The following SNPH variants were observed in gnomAD, a reference collection of about 807,000 sequenced individuals.
SNPH encodes the protein syntaphilin.
SNPH carries 10 observed loss-of-function variants against 36.8 expected under a neutral mutation model. The ratio of observed to expected loss-of-function variants is 0.27; its 90% CI spans 0.17 to 0.46. SNPH has a LOEUF of 0.46. Ranked by LOEUF, SNPH falls within the 20% of genes least tolerant of loss-of-function variation. The probability of loss-of-function intolerance (pLI) is 1.00; values close to 1 mark genes in which losing one functional copy is unlikely to be tolerated. For missense variants in SNPH, 622 were observed against 744.0 expected, an observed-to-expected ratio of 0.84 and a Z score of 1.91; for synonymous variants, 281 against 312.2, an observed-to-expected ratio of 0.90 and a Z score of 1.05.
intron 6 of SNPH, among the ~76,000 whole-genome samples, chr20:1,303,195 C>A (rs901540605): frequency 2.6e-5 from 4 of 152,262 alleles, no homozygotes; most frequent in African/African-American, 9.6e-5. Context: ...CTCAAAGACA[C>A]CATGGCTTTT....
chr20:1,274,498 A>G (rs2088108984), intron 2 of SNPH, among the ~76,000 whole-genome samples: 1 of 152,180 alleles, frequency 6.6e-6, no homozygotes, highest in Non-Finnish European at 1.5e-5. Flanking sequence ...GCTGTGCTTG[A>G]CAGCTGTAAC....
chr20:1,293,472 C>T lies in SNPH; in HGVS notation c.-492-1479C>T, dbSNP rs370414208. ...CTCTGGCCACCTGGGGAGAGGCCTGCGGGACTCCAGGCTAAGCAGGTGGCA... is the reference window on the plus strand; with the variant it reads ...CTCTGGCCACCTGGGGAGAGGCCTGTGGGACTCCAGGCTAAGCAGGTGGCA... On this transcript the variant is annotated intron_variant, in intron 2 of 6. Coordinates refer to ENST00000381867, the MANE Select transcript of SNPH (RefSeq NM_001318234.2). Among the ~76,000 whole-genome samples the T allele has an allele frequency of 1.6e-3, 237 of 152,248 alleles. 1 individual carries two copies. Among genetic ancestry groups the T allele is most frequent in the African/African-American group, 4.8e-3 (200 of 41,550 alleles).
chr20:1,269,449 G>A (rs1288290526), intron 2 of SNPH, among the ~76,000 whole-genome samples: 1 of 152,216 alleles, frequency 6.6e-6, no homozygotes, highest in Non-Finnish European at 1.5e-5. Context: ...GCTGAGGGTT[G>A]CGCGGCTAGA....
Position 1,305,339 on chromosome 20 carries a change from C to T in SNPH, c.902C>T (p.Ala301Val), listed in dbSNP as rs73579357. The change falls in exon 7 of 7, where the codon GCG (alanine) becomes GTG (valine). Residue 301 changes from alanine (A) to valine (V), a missense_variant. By Grantham distance (64) the Ala-to-Val change is moderately conservative. Around this residue, in one of 3 missense-constraint regions of SNPH, gnomAD observed 379 missense variants for 427.9 expected, o/e 0.89. Transcript: ENST00000381867. ...GATGACACACTGAGCCGGACGGACG[C>T]GCTGGAAGCCAGCAGCCTGCTGTCG... ...AADDTLSRTDALEASSLLSSG... is the reference protein window; with the variant it reads ...AADDTLSRTDVLEASSLLSSG... The T allele has an allele frequency of 1.9e-4, 312 of 1,611,248 alleles. 1 individual carries two copies. The African/African-American group carries it at 3.1e-3, about 16-fold the overall frequency.
In SNPH at chr20:1,308,257, GA is replaced by G. The variant is rs1156524868; in HGVS notation, c.*2204del. 6.5e-6 allele frequency: 1 copy of G among 153,332 alleles called. No individual in the cohort carries two copies. The highest frequency in any genetic ancestry group is 1.5e-5 in the Non-Finnish European group (1 of 68,950). The allele number at this position is 153,332 out of a possible 1,614,324, so 9.5% of individuals were successfully genotyped here. On this transcript the variant is annotated 3_prime_UTR_variant, in exon 7 of 7. Transcript: ENST00000381867. ...TGGGCCTGAGGCCTGTGGAGGAGGTGAGTGTAGCCAGCAGCGGCCGTCTACT... is the reference window on the plus strand; with the variant it reads ...TGGGCCTGAGGCCTGTGGAGGAGGTGGTGTAGCCAGCAGCGGCCGTCTACT...
At chr20:1,292,888 G>A (rs553302945) in intron 2 of SNPH, among the ~76,000 whole-genome samples, 7 of 152,280 alleles carry the variant, frequency 4.6e-5, no homozygotes, top group African/African-American at 1.2e-4. Context: ...GTAGAGAAGC[G>A]TTCCTGGATC....
intron 2 of SNPH, among the ~76,000 whole-genome samples, chr20:1,293,491 G>A (rs2088389466): frequency 6.6e-6 from 1 of 152,222 alleles, no homozygotes; most frequent in Non-Finnish European, 1.5e-5. Flanking sequence ...AGGCTAAGCA[G>A]GTGGCATGGT....
chr20:1,289,318 C>T (rs1165949007), intron 2 of SNPH, among the ~76,000 whole-genome samples: 2 of 152,038 alleles, frequency 1.3e-5, no homozygotes, highest in African/African-American at 4.8e-5. Context: ...TTAGGGGCAG[C>T]CTCAGCTACC....
intron 2 of SNPH, among the ~76,000 whole-genome samples, chr20:1,281,525 G>A (rs997681292): frequency 6.6e-6 from 1 of 152,180 alleles, no homozygotes; most frequent in Non-Finnish European, 1.5e-5. Flanking sequence ...CCTACACTGT[G>A]TGGTCTAGCA....
Position 1,296,298 on chromosome 20 carries a change from G to T in SNPH, c.59G>T (p.Gly20Val). Reference sequence around the variant, plus strand: ...TGGCCTGGCCCGGCCCTTTCTGCGGGCCCCCCAACCCGCCCTCTCTCCTCA... The same window carrying T: ...TGGCCTGGCCCGGCCCTTTCTGCGGTCCCCCCAACCCGCCCTCTCTCCTCA... ...MTWPGPALSA[G>V]PPTRPLSSAP... is the part of the protein sequence containing the mutation. Residue 20 changes from glycine (G) to valine (V), a missense_variant, in exon 4 of 7, where the codon GGC becomes GTC. Physicochemically the swap from Gly to Val is moderately radical, Grantham distance 109. Around this residue, in one of 3 missense-constraint regions of SNPH, gnomAD observed 187 missense variants for 209.4 expected, o/e 0.89. Transcript: ENST00000381867. 1 of 1,578,582 alleles carries T rather than the reference G, an allele frequency of 6.3e-7. No homozygotes were observed. The highest frequency in any genetic ancestry group is 8.6e-7 in the Non-Finnish European group (1 of 1,164,016).
intron 2 of SNPH, among the ~76,000 whole-genome samples, chr20:1,288,113 A>G (rs1329808854): frequency 6.6e-6 from 1 of 152,238 alleles, no homozygotes; most frequent in Non-Finnish European, 1.5e-5. Flanking sequence ...CACTTGGCCT[A>G]GCAGAGTTTG....
chr20:1,296,358 G>A lies in SNPH; in HGVS notation c.119G>A (p.Arg40Gln), dbSNP rs566005501. 1.1e-5 allele frequency: 17 copies of A among 1,596,862 alleles called. No individual in the cohort carries two copies. The African/African-American group carries it at 1.1e-4, about 10-fold the overall frequency. The change falls in exon 4 of 7, where the codon CGG becomes CAG. Residue 40 changes from arginine to glutamine, a missense_variant. By Grantham distance (43) the Arg-to-Gln change is conservative. This residue lies in a region of SNPH where 187 missense variants were observed against 209.4 expected (regional missense o/e 0.89). Coordinates refer to ENST00000381867, the MANE Select transcript of SNPH (RefSeq NM_001318234.2). ...PGIPPIPPLT[R>Q]THSLMAMSLP... ...ATACCGCCCATCCCACCCCTTACTC[G>A]GACCCACAGCCTCATGGCCATGTCC...
chr20:1,272,196 C>T (rs981354015), intron 2 of SNPH, among the ~76,000 whole-genome samples: 1 of 152,168 alleles, frequency 6.6e-6, no homozygotes, highest in African/African-American at 2.4e-5. Flanking sequence ...TCGTGTTTGG[C>T]TCTGCAATTG....
intron 6 of SNPH, among the ~76,000 whole-genome samples, chr20:1,303,487 C>T (rs1210853134): frequency 6.6e-6 from 1 of 152,154 alleles, no homozygotes; most frequent in African/African-American, 2.4e-5. Context: ...AAAGGGTTAC[C>T]TAGAGTGGGC....
At chr20:1,281,833 G>A (rs1259863345) in intron 2 of SNPH, among the ~76,000 whole-genome samples, 1 of 152,264 alleles carries the variant, frequency 6.6e-6, no homozygotes, top group Non-Finnish European at 1.5e-5. Context: ...CCATGCCAGA[G>A]CTGCCACACA....
chr20:1,305,534 A>T lies in SNPH; in HGVS notation c.1097A>T (p.Gln366Leu). 1 of 1,613,360 alleles carries T rather than the reference A, an allele frequency of 6.2e-7. No homozygotes were observed. The highest frequency in any genetic ancestry group is 1.1e-5 in the South Asian group (1 of 91,082). Residue 366 changes from glutamine (Q) to leucine (L), a missense_variant, in exon 7 of 7, where the codon CAG (glutamine) becomes CTG (leucine). Transcript: ENST00000381867. Reference sequence around the variant, plus strand: ...ATCCAGACAGACTTCGTGCAGTACCAGCCTGACCTTGACACCATCCTGGAG... The same window carrying T: ...ATCCAGACAGACTTCGTGCAGTACCTGCCTGACCTTGACACCATCCTGGAG... ...RAIQTDFVQY[Q>L]PDLDTILEKV...
intron 2 of SNPH, among the ~76,000 whole-genome samples, chr20:1,291,865 T>C (rs2122364991): frequency 6.6e-6 from 1 of 152,322 alleles, no homozygotes; most frequent in South Asian, 2.1e-4. Context: ...TGACTGTTGA[T>C]TGGGGAAAAT....
chr20:1,305,936 A>G lies in SNPH; in HGVS notation c.1499A>G (p.Asn500Ser). The G allele has an allele frequency of 6.3e-7, 1 of 1,590,164 alleles. No individual in the cohort carries two copies. The highest frequency in any genetic ancestry group is 8.6e-7 in the Non-Finnish European group (1 of 1,168,812). The stretch of plus-strand genomic sequence containing the variant: ...CGGCGCCAGGGCCAGCCCATCTACA[A>G]CATCAGCTCCCTGCTGCGGGGCTGC... ...SQRRQGQPIY[N>S]ISSLLRGCCT... Residue 500 changes from asparagine to serine, a missense_variant, in exon 7 of 7, where the codon AAC (asparagine) becomes AGC (serine). Transcript: ENST00000381867.
intron 2 of SNPH, among the ~76,000 whole-genome samples, chr20:1,278,000 CTGTG>C (rs563194020): frequency 1.5e-4 from 20 of 134,508 alleles, no homozygotes; most frequent in Non-Finnish European, 2.4e-4. Flanking sequence ...GTCTGTGTGT[CTGTG>C]TGTGTGTCAG....
Sources: allele counts gnomAD v4.1 joint callset (sites outside exome capture counted in the v4.1 genomes callset), GRCh38; gene constraint gnomAD v4.1.1; regional missense constraint gnomAD v4.1.1; transcripts MANE v1.5; gene names NCBI Gene and HGNC (gene_info 2026-07-23, HGNC 2026-07-21).